The following SLC9A3 variants were observed in gnomAD, a reference collection of about 807,000 sequenced individuals.
The protein encoded by SLC9A3 is sodium/hydrogen exchanger 3.
Under a neutral mutation model 86.8 loss-of-function variants are expected in SLC9A3, and 37 were observed. The ratio of observed to expected loss-of-function variants is 0.43; its 90% confidence interval spans 0.33 to 0.56. SLC9A3 has a LOEUF of 0.56. Among genes scored for constraint, SLC9A3 ranks in the 20% least tolerant of loss-of-function variants. SLC9A3 has a pLI of 0.06. For missense variants in SLC9A3, 1,011 were observed against 1,171.9 expected (o/e 0.86, Z 2.00); for synonymous variants, 581 against 528.3 (o/e 1.10, Z -1.37).
At chr5:520,744 G>A (rs552063128) in intron 1 of SLC9A3, among the ~76,000 whole-genome samples, 370 of 152,050 alleles carry the variant, frequency 2.4e-3, no homozygotes, top group Non-Finnish European at 3.8e-3. Flanking sequence ...TGACACCCCC[G>A]CCTCCCTCTC....
chr5:480,792 T>C (rs1418287536), intron 9 of SLC9A3: 1 of 152,182 alleles, frequency 6.6e-6, no homozygotes, highest in African/African-American at 2.4e-5. Flanking sequence ...GCTCAGAAAA[T>C]GGGAACCCAG....
rs769744437 is a variant in SLC9A3, at chr5:491,920, G to A, written c.363C>T (p.Pro121=). The change falls in exon 2 of 17, where the codon CCC becomes CCT. Residue 121 remains proline (P), a synonymous_variant. Coordinates refer to ENST00000264938, the MANE Select transcript of SLC9A3 (RefSeq NM_004174.4). This position sits in a 1 kb window ranked among gnomAD's most constrained non-coding sequence, Gnocchi z 9.2. ...TPTVFFFYLL[P]PIVLDAGYFM... is the part of the protein sequence containing the mutation. The stretch of plus-strand genomic sequence containing the variant: ...AGTAGCCGGCGTCCAGCACGATGGG[G>A]GGCAGCAGGTAGAAGAAGAAGACGG... 23 of 1,611,732 alleles carry A rather than the reference G, an allele frequency of 1.4e-5. No homozygotes were observed. The highest frequency in any genetic ancestry group is 1.7e-5 in the Non-Finnish European group (20 of 1,179,596).
rs777362477 is a variant in SLC9A3, at chr5:524,148, C to A, written c.175G>T (p.Ala59Ser). 2 of 1,541,026 alleles carry A rather than the reference C, an allele frequency of 1.3e-6. No homozygotes were observed. Among genetic ancestry groups the A allele is most frequent in the South Asian group, 2.4e-5 (2 of 82,422 alleles). ...AAGCTGGCCACGAGGATCCAGAGCG[C>A]GATGACGTAGGGATCCTGCACGTGG... ...WAHVQDPYVI[A>S]LWILVASLAK... The change falls in exon 1 of 17, where the codon GCG becomes TCG. Residue 59 changes from alanine to serine, a missense_variant. Coordinates refer to ENST00000264938, the MANE Select transcript of SLC9A3 (RefSeq NM_004174.4).
chr5:489,308 GGA>G (rs927075007), intron 2 of SLC9A3, among the ~76,000 whole-genome samples: 3 of 152,276 alleles, frequency 2.0e-5, no homozygotes, highest in South Asian at 2.1e-4. Flanking sequence ...TGAGGGTGTG[GGA>G]GAGACCACCC....
chr5:477,121 C>T (rs1738795282), intron 11 of SLC9A3: 1 of 532,698 alleles, frequency 1.9e-6, no homozygotes, highest in Non-Finnish European at 3.3e-6. Context: ...CGCTGCTGCC[C>T]CTCCCTTTCA....
intron 1 of SLC9A3, among the ~76,000 whole-genome samples, chr5:513,723 C>T (rs1438251397): frequency 6.6e-6 from 1 of 152,212 alleles, no homozygotes; most frequent in Non-Finnish European, 1.5e-5. Flanking sequence ...ACAGCAGCCC[C>T]GGGCCACCCT....
At chr5:495,336 TAAA>T (rs909331947) in intron 1 of SLC9A3, among the ~76,000 whole-genome samples, 12 of 151,924 alleles carry the variant, frequency 7.9e-5, no homozygotes, top group African/African-American at 2.7e-4. Flanking sequence ...GCTTTGTCTT[TAAA>T]AACAACAACG....
intron 1 of SLC9A3, among the ~76,000 whole-genome samples, chr5:492,379 GGAACCCACAGGGGAGGGGA>G (rs1739811361): frequency 1.8e-5 from 1 of 56,568 alleles, no homozygotes; most frequent in Non-Finnish European, 3.9e-5. Flanking sequence ...GAGGTAGGGG[GGAACCCACAGGGGAGGGGA>G]GGGAGGTCGG....
At chr5:489,383 C>A (rs1047682574) in intron 2 of SLC9A3, among the ~76,000 whole-genome samples, 1 of 152,168 alleles carries the variant, frequency 6.6e-6, no homozygotes, top group Non-Finnish European at 1.5e-5. Flanking sequence ...TGGGCTGGAG[C>A]GGAGCCCACC....
intron 10 of SLC9A3, chr5:479,545 C>A: frequency 2.6e-6 from 1 of 388,498 alleles, no homozygotes; most frequent in Non-Finnish European, 4.8e-6. Context: ...GCCTGCTTAC[C>A]GTCTGCTCCC....
chr5:475,546 G>A lies in SLC9A3; in HGVS notation c.2251+15C>T. The stretch of plus-strand genomic sequence containing the variant: ...CACCCCTCCCTTAGCCACGACGCCT[G>A]TGCCCCGTCCCCACCTGCAGGGGAG... On this transcript the variant is annotated intron_variant, in intron 15 of 16. Coordinates refer to ENST00000264938, the MANE Select transcript of SLC9A3 (RefSeq NM_004174.4). 2 of 1,488,898 alleles carry A rather than the reference G, an allele frequency of 1.3e-6. No homozygotes were observed. Among genetic ancestry groups the A allele is most frequent in the Non-Finnish European group, 1.8e-6 (2 of 1,090,230 alleles). 92.2% of individuals were successfully genotyped at this position (1,488,898 alleles called of 1,614,324 possible).
At chr5:493,622 G>T (rs570127969) in intron 1 of SLC9A3, among the ~76,000 whole-genome samples, 2 of 152,238 alleles carry the variant, frequency 1.3e-5, no homozygotes, top group Non-Finnish European at 2.9e-5. Flanking sequence ...CACAAGCTCC[G>T]CACCTGCCCG....
chr5:480,833 A>G (rs1043356), intron 9 of SLC9A3: 28,797 of 152,344 alleles, frequency 0.19, 3,571 homozygotes, highest in Non-Finnish European at 0.27. Context: ...TACTGGGTTT[A>G]TTATAAGTGT....
chr5:492,981 C>T (rs1375655852), intron 1 of SLC9A3, among the ~76,000 whole-genome samples: 3 of 152,202 alleles, frequency 2.0e-5, no homozygotes, highest in Non-Finnish European at 4.4e-5. Flanking sequence ...GTCCTGGGGA[C>T]CCCCCGTGGA....
chr5:492,904 G>C (rs10475271), intron 1 of SLC9A3, among the ~76,000 whole-genome samples: 90,025 of 151,960 alleles, frequency 0.59, 28,590 homozygotes, highest in Non-Finnish European at 0.72. Flanking sequence ...TGGGTGGGGT[G>C]TTCTAGGAAG....
Position 491,719 on chromosome 5 carries a change from T to C in SLC9A3, c.514+50A>G, listed in dbSNP as rs1579794048. On this transcript the variant is annotated intron_variant, in intron 2 of 16. Transcript: ENST00000264938. This position sits in a 1 kb window ranked among gnomAD's most constrained non-coding sequence, Gnocchi z 9.2. ...TTCTGAGATGAGGCAGCGCCGCCCCTCCCGGACCCCACCCTGATCCCGGCC... is the reference window on the plus strand; with the variant it reads ...TTCTGAGATGAGGCAGCGCCGCCCCCCCCGGACCCCACCCTGATCCCGGCC... 1 of 1,439,584 alleles carries C rather than the reference T, an allele frequency of 6.9e-7. No homozygotes were observed. The highest frequency in any genetic ancestry group is 1.4e-5 in the South Asian group (1 of 72,240). The allele number at this position is 1,439,584 out of a possible 1,614,324, so 89.2% of individuals were successfully genotyped here.
rs760662073 is a variant in SLC9A3, at chr5:479,825, G to A, written c.1647+11C>T. 12 of 1,612,478 alleles carry A rather than the reference G, an allele frequency of 7.4e-6. No individual in the cohort carries two copies. Among genetic ancestry groups the A allele is most frequent in the African/African-American group, 5.3e-5 (4 of 74,934 alleles). On this transcript the variant is annotated intron_variant, in intron 10 of 16. Transcript: ENST00000264938. ...GCAGCCCCGACCCGGCAGAGCAAGCGGCTCTGCTACCTCAGCCACGTAGCT... is the reference window on the plus strand; with the variant it reads ...GCAGCCCCGACCCGGCAGAGCAAGCAGCTCTGCTACCTCAGCCACGTAGCT...
Position 477,444 on chromosome 5 carries a change from C to T in SLC9A3, c.1648G>A (p.Gly550Arg). The T allele has an allele frequency of 6.2e-7, 1 of 1,610,420 alleles. No individual in the cohort carries two copies. The highest frequency in any genetic ancestry group is 8.5e-7 in the Non-Finnish European group (1 of 1,178,334). Residue 550 changes from glycine to arginine, a missense_variant and splice_region_variant, in exon 11 of 17, where the codon GGA becomes AGA. Physicochemically the swap from Gly to Arg is moderately radical, Grantham distance 125. Around this residue, in one of 3 missense-constraint regions of SLC9A3, gnomAD observed 565 missense variants for 790.0 expected, o/e 0.72. Transcript: ENST00000264938. ...LKDAISYVAE[G>R]ERRGSLAFIR... ...AAGGCCAGGGACCCGCGGCGCTCTC[C>T]CTGTGGTCAGGAAGCAGCCCGGTCA...
chr5:483,271 G>T lies in SLC9A3; in HGVS notation c.1144C>A (p.Arg382=), dbSNP rs751112951. 2 of 1,545,868 alleles carry T rather than the reference G, an allele frequency of 1.3e-6. No homozygotes were observed. Among genetic ancestry groups the T allele is most frequent in the Non-Finnish European group, 8.8e-7 (1 of 1,142,178 alleles). ...LLTLVFISVY[R]AIGVVLQTWL... Reference sequence around the variant, plus strand: ...CCCGGCCCCGCCTCACCGATGGCCCGGTACACGGAGATGAAGACCAGCGTC... The same window carrying T: ...CCCGGCCCCGCCTCACCGATGGCCCTGTACACGGAGATGAAGACCAGCGTC... The change falls in exon 6 of 17, where the codon CGG becomes AGG. Residue 382 remains arginine, a synonymous_variant. Transcript: ENST00000264938.
Sources: gnomAD v4.1 joint callset for allele counts (sites outside exome capture counted in the v4.1 genomes callset) on GRCh38, gnomAD v4.1.1 for gene constraint, gnomAD v4.1.1 regional missense constraint, Gnocchi (gnomAD v3.1) non-coding constraint, MANE v1.5 for transcripts, NCBI Gene and HGNC (gene_info 2026-07-23, HGNC 2026-07-21) for gene names.